The following GALNT14 variants were observed in gnomAD, a reference collection of about 807,000 sequenced individuals.
The protein encoded by GALNT14 is polypeptide N-acetylgalactosaminyltransferase 14, also known as UDP-GalNAc:polypeptide N-acetylgalactosaminyltransferase 14.
In GALNT14, 60 loss-of-function variants were observed where a neutral mutation model predicts 77.5. That is an observed-to-expected ratio of 0.77 (90% CI 0.63 to 0.96). The LOEUF (loss-of-function observed/expected upper bound fraction) is 0.96, where lower values mean the gene tolerates loss of function less well. Among genes scored for constraint, GALNT14 ranks in the 40% least tolerant of loss-of-function variants. The pLI, the probability that GALNT14 is intolerant of heterozygous loss-of-function variation, is 0.00. For missense variants in GALNT14, 710 were observed against 731.0 expected, an observed-to-expected ratio of 0.97 and a Z score of 0.33; for synonymous variants, 280 against 281.7, an observed-to-expected ratio of 0.99 and a Z score of 0.06.
At position 30,915,472 on chromosome 2, in the gene GALNT14, T is replaced by C. The variant is rs530740997; in HGVS notation, c.1381-3130A>G. Among the ~76,000 whole-genome samples the C allele has an allele frequency of 5.3e-5, 8 of 152,196 alleles. No homozygotes were observed. The South Asian group carries it at 1.7e-3, about 32-fold the overall frequency. ...AGAGGAAGGCTGATGTCTGGCCACA[T>C]CTGAAAGAGGAGAGGAGGGAGGAGA... On this transcript the variant is annotated intron_variant, in intron 13 of 14. Coordinates refer to ENST00000349752, the MANE Select transcript of GALNT14 (RefSeq NM_024572.4).
chr2:30,966,288 AC>A lies in GALNT14; in HGVS notation c.313del (p.Val105CysfsTer31), dbSNP rs1668002134. On this transcript the variant is annotated frameshift_variant, in exon 3 of 15. Coordinates refer to ENST00000349752, the MANE Select transcript of GALNT14 (RefSeq NM_024572.4). LOFTEE classifies it high-confidence loss of function. ...AGTGGGTGGAAGGTCCGTGCAATAC[AC>A]CAGCAGTGTGCATCTGGGGAAGGAA... ...DTRHLRCTLL[V>X]YCTDLPPTSI... 6.2e-7 allele frequency: 1 copy of A among 1,613,690 alleles called. No homozygotes were observed. Among genetic ancestry groups the A allele is most frequent in the East Asian group, 2.2e-5 (1 of 44,852 alleles).
At chr2:31,028,845 G>A (rs995247266) in intron 1 of GALNT14, among the ~76,000 whole-genome samples, 7 of 152,182 alleles carry the variant, frequency 4.6e-5, no homozygotes, top group East Asian at 1.9e-4. Flanking sequence ...GTGGGGAAGC[G>A]AAGGTGAGGA....
chr2:30,901,450 C>CAT, the GALNT14 span, among the ~76,000 whole-genome samples: 92 of 151,784 alleles, frequency 6.1e-4, no homozygotes, highest in African/African-American at 2.1e-3. Context: ...ACACACACAA[C>CAT]ATATATATAT....
At chr2:31,104,112 G>C (rs759665924) in intron 1 of GALNT14, among the ~76,000 whole-genome samples, 2 of 152,094 alleles carry the variant, frequency 1.3e-5, no homozygotes, top group Non-Finnish European at 2.9e-5. Flanking sequence ...GGCCAACCTG[G>C]TATTTTTCTC....
At chr2:31,088,305 G>A (rs1558561197) in intron 1 of GALNT14, among the ~76,000 whole-genome samples, 1 of 152,134 alleles carries the variant, frequency 6.6e-6, no homozygotes, top group Admixed American at 6.5e-5. Flanking sequence ...GGAAGAACAG[G>A]GTAGATTATT....
At chr2:31,114,567 A>T (rs1187610835) in intron 1 of GALNT14, among the ~76,000 whole-genome samples, 1 of 152,188 alleles carries the variant, frequency 6.6e-6, no homozygotes, top group African/African-American at 2.4e-5. Context: ...CAAGTAGAAA[A>T]ATACACACAC....
intron 1 of GALNT14, among the ~76,000 whole-genome samples, chr2:31,027,133 T>C (rs1448914478): frequency 2.0e-5 from 3 of 152,134 alleles, no homozygotes; most frequent in African/African-American, 7.2e-5. Flanking sequence ...CTTGCATGAG[T>C]GTTAAAAACA....
intron 1 of GALNT14, among the ~76,000 whole-genome samples, chr2:31,025,070 TAATAGTTATTAAGAC>T (rs1279305253): frequency 4.6e-5 from 7 of 152,364 alleles, no homozygotes; most frequent in East Asian, 3.9e-4. Flanking sequence ...TATTAAGTTA[TAATAGTTATTAAGAC>T]AATAGTTATT....
At chr2:30,900,525 A>G in the GALNT14 span, among the ~76,000 whole-genome samples, 1 of 152,196 alleles carries the variant, frequency 6.6e-6, no homozygotes, top group Non-Finnish European at 1.5e-5. Flanking sequence ...TCTCTCACTC[A>G]TTCATAGAAA....
chr2:31,113,597 A>C (rs1677947076), intron 1 of GALNT14, among the ~76,000 whole-genome samples: 1 of 152,104 alleles, frequency 6.6e-6, no homozygotes, highest in Non-Finnish European at 1.5e-5. Flanking sequence ...GCTGCAAGGA[A>C]CCAACAGCCT....
chr2:30,955,694 G>T lies in GALNT14; in HGVS notation c.578C>A (p.Thr193Asn). Reference sequence around the variant, plus strand: ...GTGGCTGTCGAGGAAAGTCAGAGTGGTGCCCTGGGCGATGTCAGCGCCCCG... The same window carrying T: ...GTGGCTGTCGAGGAAAGTCAGAGTGTTGCCCTGGGCGATGTCAGCGCCCCG... Reference protein sequence around the residue: ...RIRGADIAQGTTLTFLDSHCE... With the variant: ...RIRGADIAQGNTLTFLDSHCE... The change falls in exon 6 of 15, where the codon ACC becomes AAC. Residue 193 changes from threonine (T) to asparagine (N), a missense_variant. By Grantham distance (65) the Thr-to-Asn change is moderately conservative. Transcript: ENST00000349752. 1 of 1,614,170 alleles carries T rather than the reference G, an allele frequency of 6.2e-7. No homozygotes were observed. Among genetic ancestry groups the T allele is most frequent in the Non-Finnish European group, 8.5e-7 (1 of 1,180,034 alleles).
Position 30,936,467 on chromosome 2 carries a change from C to T in GALNT14, c.932-4273G>A, listed in dbSNP as rs138626571. 5.3e-3 allele frequency among the ~76,000 whole-genome samples: 814 copies of T among 152,250 alleles called. 3 individuals are homozygous for T. The highest frequency in any genetic ancestry group is 0.016 in the African/African-American group (684 of 41,536). ...GGGTACTACATTTTAAATGGAGCCT[C>T]GTATAATGTATATGTGTGTGTATTG... On this transcript the variant is annotated intron_variant, in intron 9 of 14. Transcript: ENST00000349752.
At chr2:30,932,346 T>C in intron 9 of GALNT14, 152 bp from the exon 10 acceptor site, 1 of 678,554 alleles carries the variant, frequency 1.5e-6, no homozygotes, top group Non-Finnish European at 2.2e-6. Context: ...AGACCTCAGT[T>C]TCCCCATCCA....
At chr2:31,059,687 A>G (rs1253849282) in intron 1 of GALNT14, among the ~76,000 whole-genome samples, 1 of 152,208 alleles carries the variant, frequency 6.6e-6, no homozygotes, top group African/African-American at 2.4e-5. Flanking sequence ...CCTAGGCAAC[A>G]GAGCAAGACA....
At chr2:31,001,439 G>T (rs1349016104) in intron 1 of GALNT14, among the ~76,000 whole-genome samples, 1 of 152,098 alleles carries the variant, frequency 6.6e-6, no homozygotes, top group Non-Finnish European at 1.5e-5. Context: ...AAAATAAACC[G>T]TGGCTCCCAA....
rs1045659711 is a variant in GALNT14 at position 31,086,093 on chromosome 2, C to G, written c.129+51865G>C. Among the ~76,000 whole-genome samples the G allele has an allele frequency of 2.6e-5, 4 of 152,338 alleles. No homozygotes were observed. The East Asian group carries it at 7.7e-4, about 29-fold the overall frequency. ...TGACATGTGGGGATTATGGGAGCTA[C>G]AATTTAAGATGAGATTTGGGTGGGG... On this transcript the variant is annotated intron_variant, in intron 1 of 14. Transcript: ENST00000349752.
chr2:30,968,400 T>C (rs1048746206), intron 2 of GALNT14, among the ~76,000 whole-genome samples: 17 of 152,206 alleles, frequency 1.1e-4, no homozygotes, highest in Non-Finnish European at 2.2e-4. Flanking sequence ...TAGAATATGG[T>C]AGAAGTGACG....
intron 6 of GALNT14, among the ~76,000 whole-genome samples, chr2:30,950,202 T>C (rs1666944799): frequency 6.6e-6 from 1 of 152,128 alleles, no homozygotes; most frequent in Non-Finnish European, 1.5e-5. Flanking sequence ...TTGCAGAGAT[T>C]GGAGTTTCTT....
At position 31,038,943 on chromosome 2, in the gene GALNT14, G is replaced by A. The variant is rs531561733; in HGVS notation, c.130-45936C>T. ...TGTATTTTTGTAGAGATGGGGTTTC[G>A]CCATGTTGGCCAGGCTAGTCTTGAA... On this transcript the variant is annotated intron_variant, in intron 1 of 14. Transcript: ENST00000349752. Among the ~76,000 whole-genome samples the A allele has an allele frequency of 1.5e-3, 235 of 151,916 alleles. 2 individuals carry two copies. The highest frequency in any genetic ancestry group is 5.4e-3 in the African/African-American group (225 of 41,420).
Sources: gnomAD v4.1 joint callset for allele counts (sites outside exome capture counted in the v4.1 genomes callset) on GRCh38, gnomAD v4.1.1 for gene constraint, MANE v1.5 for transcripts, NCBI Gene and HGNC (gene_info 2026-07-23, HGNC 2026-07-21) for gene names.